CFAP97: variants seen among roughly 807,000 people sequenced by gnomAD.
CFAP97 encodes cilia and flagella associated protein 97, also known as cilia- and flagella-associated protein 97.
A neutral mutation model predicts 43.1 loss-of-function variants in CFAP97; 36 were observed. The ratio of observed to expected loss-of-function variants is 0.84; its 90% CI spans 0.64 to 1.10. The LOEUF is 1.10. CFAP97 is among the 50% of genes least tolerant of loss of function. CFAP97 has a pLI of 0.00. For missense variants in CFAP97, 657 were observed against 620.3 expected, an observed-to-expected ratio of 1.06 and a Z score of -0.63; for synonymous variants, 228 against 225.7, an observed-to-expected ratio of 1.01 and a Z score of -0.09.
In CFAP97 at chr4:185,197,785, T is replaced by G. The variant is rs139071801; in HGVS notation, c.-17+6113A>C. Reference sequence around the variant, plus strand: ...TCCAACTCCCATCCCTTAGAAAATTTTAAATCAAAAGCTAGAAATGATTAA... The same window carrying G: ...TCCAACTCCCATCCCTTAGAAAATTGTAAATCAAAAGCTAGAAATGATTAA... On this transcript the variant is annotated intron_variant, in intron 1 of 4. Coordinates refer to ENST00000458385, the MANE Select transcript of CFAP97 (RefSeq NM_020827.3). 8.8e-3 allele frequency among the ~76,000 whole-genome samples: 1,340 copies of G among 152,250 alleles called. 10 individuals carry two copies. Among genetic ancestry groups the G allele is most frequent in the Non-Finnish European group, 0.012 (840 of 68,018 alleles).
At chr4:185,201,141 T>C (rs1736804001) in intron 1 of CFAP97, among the ~76,000 whole-genome samples, 2 of 151,874 alleles carry the variant, frequency 1.3e-5, no homozygotes, top group African/African-American at 4.8e-5. Context: ...CTGACCAACA[T>C]GGTGAAACCT....
intron 1 of CFAP97, among the ~76,000 whole-genome samples, chr4:185,199,839 T>A (rs1053324108): frequency 4.1e-5 from 6 of 145,796 alleles, no homozygotes; most frequent in Admixed American, 3.5e-4. Flanking sequence ...AGACAAAAAA[T>A]TCAAAATATT....
intron 3 of CFAP97, chr4:185,169,158 G>A (rs1295798295): frequency 6.6e-6 from 1 of 152,164 alleles, no homozygotes; most frequent in African/African-American, 2.4e-5. Flanking sequence ...GAGATCTAAT[G>A]TACAGCATGT....
intron 1 of CFAP97, among the ~76,000 whole-genome samples, chr4:185,192,418 A>T (rs1447146335): frequency 1.3e-5 from 2 of 152,218 alleles, no homozygotes; most frequent in South Asian, 4.1e-4. Flanking sequence ...TAAAATGTTC[A>T]AAGTAGTTGC....
At chr4:185,180,486 C>T (rs1735739375) in intron 2 of CFAP97, among the ~76,000 whole-genome samples, 1 of 152,210 alleles carries the variant, frequency 6.6e-6, no homozygotes, top group Non-Finnish European at 1.5e-5. Context: ...CTCCAAGCAT[C>T]TCATATAATC....
intron 2 of CFAP97, among the ~76,000 whole-genome samples, chr4:185,177,411 T>TC (rs1477934178): frequency 9.4e-6 from 1 of 106,628 alleles, no homozygotes; most frequent in Non-Finnish European, 2.0e-5. Flanking sequence ...AGACTCTGTC[T>TC]CCAAAAAAAA....
intron 3 of CFAP97, among the ~76,000 whole-genome samples, chr4:185,174,341 C>A (rs1735432079): frequency 6.6e-6 from 1 of 152,200 alleles, no homozygotes; most frequent in African/African-American, 2.4e-5. Flanking sequence ...TCATCTATCT[C>A]AGCTCCCACC....
chr4:185,162,146 A>C lies in CFAP97; in HGVS notation c.*652T>G, dbSNP rs542288547. On this transcript the variant is annotated 3_prime_UTR_variant, in exon 5 of 5. Coordinates refer to ENST00000458385, the MANE Select transcript of CFAP97 (RefSeq NM_020827.3). Reference sequence around the variant, plus strand: ...TTCTAAGTTGAACTTTCTAATATTCATATTTGAAATGGTTTGGAATGATTG... The same window carrying C: ...TTCTAAGTTGAACTTTCTAATATTCCTATTTGAAATGGTTTGGAATGATTG... 1 of 152,222 alleles carries C rather than the reference A, an allele frequency of 6.6e-6. No individual in the cohort carries two copies. The highest frequency in any genetic ancestry group is 1.5e-5 in the Non-Finnish European group (1 of 68,048). 9.4% of individuals were successfully genotyped at this position (152,222 alleles called of 1,614,324 possible). A position where few individuals can be genotyped will look rare whatever the true frequency, so the allele number is the denominator to read the frequency against.
In CFAP97 at chr4:185,164,187, A is replaced by T. The variant is rs756514251; in HGVS notation, c.1321-8T>A. ...AAGCCTTTTCAATAAAGCCTTCAAT[A>T]AAGACAATTAATTTGAAAGGCAAGG... On this transcript the variant is annotated splice_polypyrimidine_tract_variant and splice_region_variant and intron_variant, in intron 3 of 4. Transcript: ENST00000458385. The T allele has an allele frequency of 6.2e-7, 1 of 1,612,522 alleles. No individual in the cohort carries two copies. The highest frequency in any genetic ancestry group is 1.3e-5 in the African/African-American group (1 of 74,892).
intron 2 of CFAP97, among the ~76,000 whole-genome samples, chr4:185,186,061 A>G (rs1011214297): frequency 1.3e-5 from 2 of 152,242 alleles, no homozygotes; most frequent in Admixed American, 6.5e-5. Context: ...ATGTTTTAAC[A>G]TAACAGACTT....
chr4:185,176,121 T>TTTTTTC, intron 2 of CFAP97, 70 bp from the exon 3 acceptor site: 4 of 1,258,428 alleles, frequency 3.2e-6, no homozygotes, highest in Non-Finnish European at 3.2e-6. Flanking sequence ...TTTTTTTTTT[T>TTTTTTC]TCTCTTTTTA....
chr4:185,190,999 CTCAG>C lies in CFAP97; in HGVS notation c.194_197del (p.Thr65ArgfsTer8). 6.2e-7 allele frequency: 1 copy of C among 1,613,576 alleles called. No individual in the cohort carries two copies. The highest frequency in any genetic ancestry group is 8.5e-7 in the Non-Finnish European group (1 of 1,179,678). ...ATTTCACGTTTCTTTCATTTCCCTT[CTCAG>C]TAAGATAATTTTCTGTTGTTTGCAT... On this transcript the variant is annotated frameshift_variant, in exon 2 of 5. Coordinates refer to ENST00000458385, the MANE Select transcript of CFAP97 (RefSeq NM_020827.3). LOFTEE classifies it high-confidence loss of function.
chr4:185,174,505 T>TA (rs1200430141), intron 3 of CFAP97, among the ~76,000 whole-genome samples: 1 of 152,208 alleles, frequency 6.6e-6, no homozygotes, highest in Non-Finnish European at 1.5e-5. Context: ...AAAGAGTTGT[T>TA]ACAAGTTTAG....
At chr4:185,169,101 A>G (rs1012679323) in intron 3 of CFAP97, 2 of 152,226 alleles carry the variant, frequency 1.3e-5, no homozygotes, top group African/African-American at 2.4e-5. Flanking sequence ...GCAAATGTCA[A>G]GTACCCAAGG....
chr4:185,176,247 G>A (rs937709613), intron 2 of CFAP97, among the ~76,000 whole-genome samples, 196 bp from the exon 3 acceptor site: 5 of 151,762 alleles, frequency 3.3e-5, no homozygotes, highest in Non-Finnish European at 7.4e-5. Flanking sequence ...AGACTAGCTG[G>A]GATTACAGGC....
chr4:185,163,314 G>A (rs1734938844), intron 4 of CFAP97, among the ~76,000 whole-genome samples: 1 of 152,122 alleles, frequency 6.6e-6, no homozygotes, highest in Admixed American at 6.5e-5. Context: ...GTTTGGAGAA[G>A]GAATAAATGG....
chr4:185,196,202 A>C (rs1269430199), intron 1 of CFAP97, among the ~76,000 whole-genome samples: 2 of 152,154 alleles, frequency 1.3e-5, no homozygotes, highest in African/African-American at 4.8e-5. Flanking sequence ...GGCCAGGTGC[A>C]GTGGCTCACG....
At chr4:185,184,353 CCAG>C (rs1170634134) in intron 2 of CFAP97, among the ~76,000 whole-genome samples, 4 of 152,164 alleles carry the variant, frequency 2.6e-5, no homozygotes, top group African/African-American at 7.2e-5. Flanking sequence ...CCTGCTTGGC[CCAG>C]GATAATCCCA....
At chr4:185,194,214 C>T (rs796768908) in intron 1 of CFAP97, among the ~76,000 whole-genome samples, 28 of 152,224 alleles carry the variant, frequency 1.8e-4, no homozygotes, top group African/African-American at 5.8e-4. Flanking sequence ...GTAGGCCAGG[C>T]GCAGTGGCTC....
Sources: gnomAD v4.1 joint callset for allele counts (sites outside exome capture counted in the v4.1 genomes callset) on GRCh38, gnomAD v4.1.1 for gene constraint, MANE v1.5 for transcripts, NCBI Gene and HGNC (gene_info 2026-07-23, HGNC 2026-07-21) for gene names.